Variants in NDUFAF2 observed in about 807,000 individuals in gnomAD.
NDUFAF2 encodes the protein NADH dehydrogenase [ubiquinone] 1 alpha subcomplex assembly factor 2.
Under a neutral mutation model 22.8 loss-of-function variants are expected in NDUFAF2, and 13 were observed. The observed-to-expected ratio is 0.57, with a 90% confidence interval of 0.37 to 0.91. The LOEUF is 0.91. Ranked by LOEUF, NDUFAF2 falls within the 40% of genes least tolerant of loss-of-function variation. NDUFAF2 has a pLI of 0.01. For synonymous variants in NDUFAF2, 53 were observed against 64.2 expected (o/e 0.83, Z 0.84); for missense variants, 162 against 195.2 (o/e 0.83, Z 1.01).
chr5:60,948,933 ATATCCT>A (rs1428091671), intron 1 of NDUFAF2, among the ~76,000 whole-genome samples: 1 of 152,106 alleles, frequency 6.6e-6, no homozygotes, highest in Non-Finnish European at 1.5e-5. Context: ...CAGTTGTCCT[ATATCCT>A]TATCAACACT....
chr5:61,069,479 A>G (rs975433701), intron 1 of NDUFAF2, among the ~76,000 whole-genome samples: 2 of 152,204 alleles, frequency 1.3e-5, no homozygotes, highest in Non-Finnish European at 2.9e-5. Context: ...CACAACTAGC[A>G]CATTAAGTCA....
intron 1 of NDUFAF2, among the ~76,000 whole-genome samples, chr5:60,959,702 T>C (rs2112566770): frequency 6.6e-6 from 1 of 152,230 alleles, no homozygotes; most frequent in Non-Finnish European, 1.5e-5. Context: ...TACTTTAAAA[T>C]ACTTTGTTGA....
At chr5:61,100,317 A>G (rs1052469762) in intron 3 of NDUFAF2, among the ~76,000 whole-genome samples, 11 of 152,116 alleles carry the variant, frequency 7.2e-5, no homozygotes, top group African/African-American at 2.7e-4. Flanking sequence ...AAAGTGATTA[A>G]TGGAGGCAAT....
chr5:61,104,071 GTA>G (rs1207994566), intron 3 of NDUFAF2, among the ~76,000 whole-genome samples: 15 of 152,086 alleles, frequency 9.9e-5, no homozygotes, highest in Admixed American at 1.3e-4. Flanking sequence ...TAGGTTAAGT[GTA>G]TCAAATGCAT....
intron 1 of NDUFAF2, among the ~76,000 whole-genome samples, chr5:60,967,674 G>T (rs1357233580): frequency 2.0e-5 from 3 of 151,678 alleles, no homozygotes; most frequent in East Asian, 1.9e-4. Flanking sequence ...AACCATTCTT[G>T]CTTTCCAGGG....
chr5:61,101,679 T>C (rs1401676351), intron 3 of NDUFAF2, among the ~76,000 whole-genome samples: 1 of 152,094 alleles, frequency 6.6e-6, no homozygotes, highest in East Asian at 1.9e-4. Context: ...ATATCTCCTA[T>C]ATATTATTGC....
rs151174168 is a variant in NDUFAF2, at chr5:60,978,573, C to T, written c.127+33191C>T. 1.4e-4 allele frequency among the ~76,000 whole-genome samples: 22 copies of T among 152,218 alleles called. No homozygotes were observed. The East Asian group carries it at 4.1e-3, about 28-fold the overall frequency. ...CAAATCTCATGAGAACTCACTATTG[C>T]GATGATAGCACCAAGGGGGATGGCG... On this transcript the variant is annotated intron_variant, in intron 1 of 3. Coordinates refer to ENST00000296597, the MANE Select transcript of NDUFAF2 (RefSeq NM_174889.5).
At chr5:60,968,198 ATT>A (rs1256744606) in intron 1 of NDUFAF2, among the ~76,000 whole-genome samples, 1 of 150,952 alleles carries the variant, frequency 6.6e-6, no homozygotes, top group African/African-American at 2.4e-5. Context: ...TTCCCCTTTC[ATT>A]TCTGATATTA....
At chr5:61,117,669 T>C (rs1278847297) in intron 3 of NDUFAF2, among the ~76,000 whole-genome samples, 1 of 132,232 alleles carries the variant, frequency 7.6e-6, no homozygotes, top group African/African-American at 2.6e-5. Flanking sequence ...TGCATATGAT[T>C]GACTTTTTTT....
intron 1 of NDUFAF2, among the ~76,000 whole-genome samples, chr5:61,064,796 T>C (rs529830685): frequency 1.6e-4 from 24 of 151,718 alleles, no homozygotes; most frequent in African/African-American, 5.8e-4. Flanking sequence ...TTCAAATAAA[T>C]TGTCTAACAT....
chr5:60,991,183 T>A (rs1056880476), intron 1 of NDUFAF2, among the ~76,000 whole-genome samples: 3 of 152,144 alleles, frequency 2.0e-5, no homozygotes, highest in East Asian at 3.8e-4. Context: ...AAAATGTTTT[T>A]AAAAATGTTT....
chr5:61,020,948 C>T (rs1265299627), intron 1 of NDUFAF2, among the ~76,000 whole-genome samples: 2 of 150,932 alleles, frequency 1.3e-5, no homozygotes, highest in Non-Finnish European at 2.9e-5. Context: ...CCTGCCTCGG[C>T]CTCCCAGACT....
At chr5:61,023,869 G>A (rs1444876783) in intron 1 of NDUFAF2, among the ~76,000 whole-genome samples, 2 of 152,050 alleles carry the variant, frequency 1.3e-5, no homozygotes, top group African/African-American at 4.8e-5. Flanking sequence ...CATCAGCTAT[G>A]GGTATGTTTT....
chr5:61,052,498 G>A (rs1431897566), intron 1 of NDUFAF2, among the ~76,000 whole-genome samples: 1 of 152,100 alleles, frequency 6.6e-6, no homozygotes, highest in African/African-American at 2.4e-5. Flanking sequence ...TTTTAGTAGA[G>A]ATGGGGTTTC....
intron 1 of NDUFAF2, among the ~76,000 whole-genome samples, chr5:61,064,904 C>T (rs979233037): frequency 2.8e-4 from 42 of 149,214 alleles, no homozygotes; most frequent in African/African-American, 9.9e-4. Flanking sequence ...AAATAAGGAA[C>T]AAAAAAAACA....
chr5:61,117,736 A>G lies in NDUFAF2; in HGVS notation c.258+18704A>G, dbSNP rs371296633. Reference sequence around the variant, plus strand: ...ACAATGATATGGATGAGCAGTGGCAATTTTTTTCGGCAGGGTATCAGATAG... The same window carrying G: ...ACAATGATATGGATGAGCAGTGGCAGTTTTTTTCGGCAGGGTATCAGATAG... On this transcript the variant is annotated intron_variant, in intron 3 of 3. Coordinates refer to ENST00000296597, the MANE Select transcript of NDUFAF2 (RefSeq NM_174889.5). 2.0e-3 allele frequency among the ~76,000 whole-genome samples: 311 copies of G among 152,158 alleles called. 2 individuals carry two copies. The highest frequency in any genetic ancestry group is 7.2e-3 in the African/African-American group (300 of 41,520).
intron 1 of NDUFAF2, among the ~76,000 whole-genome samples, chr5:61,035,988 G>A (rs1251246783): frequency 2.0e-5 from 3 of 152,114 alleles, no homozygotes; most frequent in African/African-American, 4.8e-5. Flanking sequence ...AAAACTCACC[G>A]GTTTAACAGA....
intron 3 of NDUFAF2, among the ~76,000 whole-genome samples, chr5:61,102,118 T>C (rs295566): frequency 0.6 from 91,360 of 151,934 alleles, 28,222 homozygotes; most frequent in East Asian, 0.94. Flanking sequence ...ATAGATTTAA[T>C]AAAATGAATA....
chr5:60,966,271 A>G (rs1206858109), intron 1 of NDUFAF2, among the ~76,000 whole-genome samples: 1 of 152,064 alleles, frequency 6.6e-6, no homozygotes, highest in East Asian at 1.9e-4. Flanking sequence ...TTGGATATTA[A>G]CCCTTTATCA....
Sources: gnomAD v4.1 joint callset for allele counts (sites outside exome capture counted in the v4.1 genomes callset) on GRCh38, gnomAD v4.1.1 for gene constraint, MANE v1.5 for transcripts, NCBI Gene and HGNC (gene_info 2026-07-23, HGNC 2026-07-21) for gene names.